Variants in PTPRD observed in about 807,000 individuals in gnomAD.
PTPRD encodes protein tyrosine phosphatase receptor type D, also known as receptor-type tyrosine-protein phosphatase delta.
A neutral mutation model predicts 214.5 loss-of-function variants in PTPRD; 34 were observed. The ratio of observed to expected loss-of-function variants is 0.16; its 90% confidence interval spans 0.12 to 0.21. PTPRD has a LOEUF of 0.21. PTPRD is among the 10% of genes least tolerant of loss of function. PTPRD has a pLI of 1.00. For missense variants in PTPRD, 2,545 were observed against 2,398.7 expected (o/e 1.06, Z -1.27); for synonymous variants, 1,128 against 845.7 (o/e 1.33, Z -5.79).
intron 5 of PTPRD, among the ~76,000 whole-genome samples, chr9:9,828,589 C>T (rs1483554292): frequency 6.6e-6 from 1 of 151,958 alleles, no homozygotes; most frequent in East Asian, 1.9e-4. Context: ...CAACAGGGCA[C>T]ATGTATACAT....
At chr9:10,085,932 T>A (rs291323) in intron 3 of PTPRD, among the ~76,000 whole-genome samples, 1 of 151,632 alleles carries the variant, frequency 6.6e-6, no homozygotes, top group Non-Finnish European at 1.5e-5. Flanking sequence ...TGAAATCTAA[T>A]ATGATATGAG....
At chr9:9,904,534 A>G (rs2077108660) in intron 5 of PTPRD, among the ~76,000 whole-genome samples, 1 of 152,070 alleles carries the variant, frequency 6.6e-6, no homozygotes, top group South Asian at 2.1e-4. Flanking sequence ...TATGCTCTCA[A>G]CTGTATCACT....
chr9:9,460,968 T>G (rs1003848667), intron 8 of PTPRD, among the ~76,000 whole-genome samples: 27 of 152,014 alleles, frequency 1.8e-4, no homozygotes, highest in African/African-American at 6.3e-4. Flanking sequence ...GTGGTATAAA[T>G]ACACCATGGA....
At chr9:8,555,363 C>T (rs10217270) in intron 14 of PTPRD, among the ~76,000 whole-genome samples, 6,790 of 152,080 alleles carry the variant, frequency 0.045, 443 homozygotes, top group African/African-American at 0.15. Context: ...GCTGTGACTG[C>T]GCCACTGCAC....
At chr9:9,855,905 A>G (rs943477765) in intron 5 of PTPRD, among the ~76,000 whole-genome samples, 10 of 152,198 alleles carry the variant, frequency 6.6e-5, no homozygotes, top group African/African-American at 2.2e-4. Context: ...CATGTGAGGC[A>G]GCTGCTCTCT....
chr9:9,120,202 T>C (rs1486334016), intron 10 of PTPRD, among the ~76,000 whole-genome samples: 1 of 152,202 alleles, frequency 6.6e-6, no homozygotes, highest in African/African-American at 2.4e-5. Flanking sequence ...AGAGAAGTAC[T>C]AGACTGAAGA....
chr9:8,460,440 G>A lies in PTPRD; in HGVS notation c.3846C>T (p.Cys1282=), dbSNP rs2134139222. 6.2e-7 allele frequency: 1 copy of A among 1,613,174 alleles called. No homozygotes were observed. Among genetic ancestry groups the A allele is most frequent in the Non-Finnish European group, 8.5e-7 (1 of 1,179,502 alleles). ...TATAAAGAAGAATAGCAATGACAAT[G>A]CAGATGATAAAGACCACTGCAAGGA... ...GPVLAVVFII[C]IVIAILLYKR... The change falls in exon 33 of 46, where the codon TGC becomes TGT. Residue 1282 remains cysteine, a synonymous_variant. Transcript: ENST00000381196.
intron 3 of PTPRD, among the ~76,000 whole-genome samples, chr9:10,065,141 T>TAGAAAGCAAGAAAGAAAGAAAGAAAGAA (rs1555537783): frequency 9.4e-6 from 1 of 106,732 alleles, no homozygotes; most frequent in East Asian, 2.8e-4. Flanking sequence ...TGACTTGGAT[T>TAGAAAGCAAGAAAGAAAGAAAGAAAGAA]AGAAAGAAAG....
At chr9:10,433,508 A>G (rs1418269472) in intron 2 of PTPRD, among the ~76,000 whole-genome samples, 2 of 152,082 alleles carry the variant, frequency 1.3e-5, no homozygotes, top group Non-Finnish European at 2.9e-5. Context: ...CGTATATTAC[A>G]GCATTATTAT....
At chr9:8,935,020 C>T (rs180696850) in intron 11 of PTPRD, among the ~76,000 whole-genome samples, 1 of 151,944 alleles carries the variant, frequency 6.6e-6, no homozygotes, top group Non-Finnish European at 1.5e-5. Context: ...CTTATATATA[C>T]ACACACAGAG....
intron 8 of PTPRD, among the ~76,000 whole-genome samples, chr9:9,427,281 G>T (rs1434877594): frequency 1.3e-5 from 2 of 152,198 alleles, no homozygotes; most frequent in African/African-American, 2.4e-5. Context: ...AGCTTCAGTA[G>T]CCGATTTGAT....
At chr9:10,160,062 A>G (rs1469696183) in intron 3 of PTPRD, among the ~76,000 whole-genome samples, 2 of 152,042 alleles carry the variant, frequency 1.3e-5, no homozygotes, top group Non-Finnish European at 2.9e-5. Flanking sequence ...GGATAAAGAA[A>G]CAAGATCTAA....
intron 36 of PTPRD, among the ~76,000 whole-genome samples, chr9:8,398,901 C>G (rs908503093): frequency 5.3e-5 from 8 of 152,058 alleles, no homozygotes; most frequent in African/African-American, 1.9e-4. Context: ...CACAAATGGA[C>G]TAAGACATGG....
intron 12 of PTPRD, among the ~76,000 whole-genome samples, chr9:8,654,071 C>T (rs2096864141): frequency 6.6e-6 from 1 of 152,178 alleles, no homozygotes; most frequent in African/African-American, 2.4e-5. Flanking sequence ...AGCAACATCC[C>T]TGGCTTCTAC....
chr9:9,042,345 C>G (rs324528), intron 10 of PTPRD, among the ~76,000 whole-genome samples: 76,211 of 152,086 alleles, frequency 0.5, 21,371 homozygotes, highest in Non-Finnish European at 0.64. Context: ...AGGTCAACCA[C>G]TATGGCTGCA....
chr9:8,648,990 C>A (rs553687121), intron 12 of PTPRD, among the ~76,000 whole-genome samples: 1 of 152,196 alleles, frequency 6.6e-6, no homozygotes, highest in South Asian at 2.1e-4. Flanking sequence ...TTATCATGTA[C>A]CTGCAAATTG....
At chr9:9,281,337 T>G (rs1019016990) in intron 9 of PTPRD, among the ~76,000 whole-genome samples, 6 of 151,274 alleles carry the variant, frequency 4.0e-5, no homozygotes, top group African/African-American at 1.2e-4. Flanking sequence ...AGAAAACATT[T>G]GCAAAAGACA....
intron 12 of PTPRD, among the ~76,000 whole-genome samples, chr9:8,637,154 A>G (rs975590857): frequency 3.3e-5 from 5 of 152,212 alleles, no homozygotes; most frequent in African/African-American, 1.2e-4. Flanking sequence ...ATATAAAAAA[A>G]TCCAATTTGT....
chr9:9,499,624 G>C (rs1227311302), intron 8 of PTPRD, among the ~76,000 whole-genome samples: 1 of 151,956 alleles, frequency 6.6e-6, no homozygotes, highest in Non-Finnish European at 1.5e-5. Flanking sequence ...AATCAGACTG[G>C]TATATGGGCA....
Sources: gnomAD v4.1 joint callset for allele counts (sites outside exome capture counted in the v4.1 genomes callset) on GRCh38, gnomAD v4.1.1 for gene constraint, MANE v1.5 for transcripts, NCBI Gene and HGNC (gene_info 2026-07-23, HGNC 2026-07-21) for gene names.